GPC5: variants seen among roughly 807,000 people sequenced by gnomAD.
GPC5 encodes the protein glypican-5.
Under a neutral mutation model 53.9 loss-of-function variants are expected in GPC5, and 47 were observed. That is an observed-to-expected ratio of 0.87 (90% CI 0.69 to 1.11). The LOEUF is 1.11. GPC5 is among the 50% of genes most tolerant of loss of function. The probability of loss-of-function intolerance (pLI) is 0.00; values close to 1 mark genes in which losing one functional copy is unlikely to be tolerated. For missense variants in GPC5, 748 were observed against 713.1 expected, an observed-to-expected ratio of 1.05 and a Z score of -0.56; for synonymous variants, 286 against 263.3, an observed-to-expected ratio of 1.09 and a Z score of -0.84.
intron 5 of GPC5, among the ~76,000 whole-genome samples, chr13:91,791,837 T>C (rs1594567762): frequency 6.6e-6 from 1 of 152,314 alleles, no homozygotes; most frequent in East Asian, 1.9e-4. Flanking sequence ...TGGTGACTTA[T>C]AAACTAAATC....
At chr13:91,803,939 A>G (rs570576493) in intron 5 of GPC5, among the ~76,000 whole-genome samples, 5 of 152,260 alleles carry the variant, frequency 3.3e-5, no homozygotes, top group Admixed American at 6.5e-5. Context: ...ATAGAGAGAA[A>G]GGCAATGCAG....
At chr13:92,671,678 C>G (rs1253497141) in intron 7 of GPC5, among the ~76,000 whole-genome samples, 1 of 152,172 alleles carries the variant, frequency 6.6e-6, no homozygotes, top group Admixed American at 6.6e-5. Flanking sequence ...TGGTTATTCA[C>G]AGTGGGCTAA....
intron 7 of GPC5, among the ~76,000 whole-genome samples, chr13:92,470,169 G>A (rs1878854159): frequency 6.6e-6 from 1 of 152,088 alleles, no homozygotes; most frequent in Non-Finnish European, 1.5e-5. Flanking sequence ...TTTAATTATA[G>A]GAGGAAAGAT....
chr13:91,991,052 T>C (rs1272111679), intron 6 of GPC5, among the ~76,000 whole-genome samples: 1 of 152,196 alleles, frequency 6.6e-6, no homozygotes. Context: ...ACCTAAGTTG[T>C]GTGTGCATTC....
chr13:91,912,471 A>G (rs1364977136), intron 6 of GPC5, among the ~76,000 whole-genome samples: 2 of 152,206 alleles, frequency 1.3e-5, no homozygotes, highest in Admixed American at 1.3e-4. Flanking sequence ...AAAACAATGA[A>G]AAAGACAAGA....
intron 6 of GPC5, among the ~76,000 whole-genome samples, chr13:92,139,683 A>AAAAGTGAAT (rs1322526890): frequency 6.6e-6 from 1 of 151,590 alleles, no homozygotes; most frequent in East Asian, 1.9e-4. Flanking sequence ...AAAAAAAAAA[A>AAAAGTGAAT]AAGTGTTATA....
chr13:92,647,908 G>C (rs1432347250), intron 7 of GPC5, among the ~76,000 whole-genome samples: 1 of 151,980 alleles, frequency 6.6e-6, no homozygotes, highest in Non-Finnish European at 1.5e-5. Flanking sequence ...ATGATGAAAG[G>C]AAAACATGAC....
chr13:91,659,945 T>A lies in GPC5; in HGVS notation c.326-33242T>A, dbSNP rs918732128. 9.9e-5 allele frequency among the ~76,000 whole-genome samples: 15 copies of A among 152,276 alleles called. No homozygotes were observed. In the South Asian group the frequency reaches 1.2e-3, roughly 13 times the overall value. On this transcript the variant is annotated intron_variant, in intron 2 of 7. Coordinates refer to ENST00000377067, the MANE Select transcript of GPC5 (RefSeq NM_004466.6). The stretch of plus-strand genomic sequence containing the variant: ...GAGCTTGCTACAGCAAGGTAGTCAG[T>A]CATCATTGCTTGAGTTTGGCAGAGA...
At chr13:92,314,389 A>G (rs959676540) in intron 7 of GPC5, among the ~76,000 whole-genome samples, 3 of 152,240 alleles carry the variant, frequency 2.0e-5, no homozygotes, top group Admixed American at 6.5e-5. Context: ...CCAAAGAGAT[A>G]AAGTTGATAA....
At chr13:91,463,192 G>A (rs1300396005) in intron 2 of GPC5, among the ~76,000 whole-genome samples, 3 of 151,946 alleles carry the variant, frequency 2.0e-5, no homozygotes, top group Non-Finnish European at 4.4e-5. Context: ...ATCATCTCTA[G>A]ATTACTTAAA....
chr13:91,815,704 C>T (rs777382142), intron 5 of GPC5, among the ~76,000 whole-genome samples: 2 of 152,218 alleles, frequency 1.3e-5, no homozygotes, highest in Non-Finnish European at 2.9e-5. Context: ...CCCAATTTCT[C>T]ACTTAAGACT....
chr13:91,769,353 C>G (rs1208914366), intron 5 of GPC5, among the ~76,000 whole-genome samples: 5 of 152,160 alleles, frequency 3.3e-5, no homozygotes, highest in Non-Finnish European at 5.9e-5. Context: ...TGACCAAACC[C>G]ACTGGGTACT....
chr13:92,290,663 C>A (rs1362457134), intron 7 of GPC5, among the ~76,000 whole-genome samples: 1 of 152,182 alleles, frequency 6.6e-6, no homozygotes, highest in Non-Finnish European at 1.5e-5. Context: ...GCCATTAACT[C>A]ATTCCTTTTT....
At chr13:91,450,287 G>T (rs1201995962) in intron 2 of GPC5, among the ~76,000 whole-genome samples, 5 of 152,122 alleles carry the variant, frequency 3.3e-5, no homozygotes, top group Non-Finnish European at 7.4e-5. Context: ...CAAGATTTGT[G>T]ATTTAGCTGA....
intron 7 of GPC5, among the ~76,000 whole-genome samples, chr13:92,439,663 A>T (rs1877468292): frequency 6.6e-6 from 1 of 152,192 alleles, no homozygotes; most frequent in South Asian, 2.1e-4. Context: ...AAATAGGAAC[A>T]TAAAAGAACA....
At chr13:92,290,894 G>A (rs1015072355) in intron 7 of GPC5, among the ~76,000 whole-genome samples, 5 of 152,126 alleles carry the variant, frequency 3.3e-5, no homozygotes, top group African/African-American at 1.2e-4. Context: ...GGAGGGAGAG[G>A]CGCTGGCGGA....
chr13:92,241,118 C>A (rs2042608751), intron 7 of GPC5: 1 of 151,980 alleles, frequency 6.6e-6, no homozygotes, highest in Non-Finnish European at 1.5e-5. Context: ...AGTATAAGAC[C>A]CATCTTTAAA....
chr13:92,717,366 A>G (rs147300097), intron 7 of GPC5, among the ~76,000 whole-genome samples: 11 of 152,214 alleles, frequency 7.2e-5, no homozygotes, highest in Non-Finnish European at 1.5e-4. Context: ...CCAGACATAT[A>G]CCATGAATAT....
At chr13:92,391,034 T>A (rs1214874147) in intron 7 of GPC5, among the ~76,000 whole-genome samples, 1 of 152,162 alleles carries the variant, frequency 6.6e-6, no homozygotes. Context: ...AATGTTCATT[T>A]ATTTTCTTCA....
Sources: gnomAD v4.1 joint callset for allele counts (sites outside exome capture counted in the v4.1 genomes callset) on GRCh38, gnomAD v4.1.1 for gene constraint, MANE v1.5 for transcripts, NCBI Gene and HGNC (gene_info 2026-07-23, HGNC 2026-07-21) for gene names.